Variants in MDGA2 observed in about 807,000 individuals in gnomAD.
The protein encoded by MDGA2 is MAM domain-containing glycosylphosphatidylinositol anchor protein 2.
In MDGA2, 40 loss-of-function variants were observed where a neutral mutation model predicts 117.8. That is an observed-to-expected ratio of 0.34 (90% CI 0.26 to 0.44). MDGA2 has a LOEUF of 0.44. Among genes scored for constraint, MDGA2 ranks in the 20% least tolerant of loss-of-function variants. The probability of loss-of-function intolerance (pLI) is 1.00; values close to 1 mark genes in which losing one functional copy is unlikely to be tolerated. For synonymous variants in MDGA2, 452 were observed against 439.0 expected, an observed-to-expected ratio of 1.03 and a Z score of -0.37; for missense variants, 1,123 against 1,250.6, an observed-to-expected ratio of 0.90 and a Z score of 1.54.
intron 10 of MDGA2, among the ~76,000 whole-genome samples, chr14:46,918,319 G>C (rs1335246077): frequency 2.0e-5 from 3 of 152,074 alleles, no homozygotes; most frequent in African/African-American, 7.2e-5. Flanking sequence ...AATGTAGTAA[G>C]GAGTTTTAAA....
At chr14:47,552,207 GCC>G in intron 1 of MDGA2, among the ~76,000 whole-genome samples, 1 of 152,212 alleles carries the variant, frequency 6.6e-6, no homozygotes, top group East Asian at 1.9e-4. Context: ...CACTCACTCT[GCC>G]AGAGATCTTA....
chr14:47,568,665 T>C (rs1313974722), intron 1 of MDGA2, among the ~76,000 whole-genome samples: 3 of 152,196 alleles, frequency 2.0e-5, no homozygotes, highest in Non-Finnish European at 2.9e-5. Flanking sequence ...TGTTAAGAAA[T>C]ATTTGTAGAT....
intron 8 of MDGA2, among the ~76,000 whole-genome samples, chr14:46,958,667 G>T (rs1179751221): frequency 6.6e-6 from 1 of 152,236 alleles, no homozygotes; most frequent in Non-Finnish European, 1.5e-5. Flanking sequence ...AGGAGAGGTA[G>T]ATTGGTGTGT....
intron 1 of MDGA2, among the ~76,000 whole-genome samples, chr14:47,635,554 T>C (rs1285164474): frequency 6.6e-6 from 1 of 152,172 alleles, no homozygotes; most frequent in Non-Finnish European, 1.5e-5. Context: ...CTGAATGCCA[T>C]GAGTTGTCAT....
intron 12 of MDGA2, among the ~76,000 whole-genome samples, chr14:46,874,453 T>C (rs368973270): frequency 6.6e-6 from 1 of 151,904 alleles, no homozygotes; most frequent in East Asian, 1.9e-4. Context: ...TTCTCTAAAA[T>C]ATCCAGATAA....
intron 9 of MDGA2, among the ~76,000 whole-genome samples, chr14:46,927,333 GA>G (rs1884370385): frequency 6.6e-6 from 1 of 152,078 alleles, no homozygotes. Context: ...TTACCAATTT[GA>G]TGGGTTCTAC....
At chr14:46,989,332 A>AGG (rs60744731) in intron 8 of MDGA2, among the ~76,000 whole-genome samples, 6 of 151,390 alleles carry the variant, frequency 4.0e-5, no homozygotes, top group African/African-American at 1.5e-4. Context: ...GAAAAAAAAA[A>AGG]GGGGGGTATC....
intron 5 of MDGA2, among the ~76,000 whole-genome samples, chr14:47,114,940 G>C (rs1348053592): frequency 7.2e-6 from 1 of 138,626 alleles, no homozygotes; most frequent in Non-Finnish European, 1.5e-5. Context: ...GTAATCCAAA[G>C]AGCTTCTGCA....
chr14:47,377,169 G>A (rs961788385), intron 1 of MDGA2, among the ~76,000 whole-genome samples: 3 of 152,066 alleles, frequency 2.0e-5, no homozygotes, highest in African/African-American at 7.2e-5. Flanking sequence ...GAAATTTAGG[G>A]TATAATCCAT....
At chr14:47,415,809 G>A (rs1008477318) in intron 1 of MDGA2, among the ~76,000 whole-genome samples, 3 of 152,096 alleles carry the variant, frequency 2.0e-5, no homozygotes, top group Non-Finnish European at 4.4e-5. Context: ...GCAGACTGCC[G>A]TCTTCCTGCT....
intron 1 of MDGA2, among the ~76,000 whole-genome samples, chr14:47,410,155 G>C (rs1263465824): frequency 6.8e-6 from 1 of 146,340 alleles, no homozygotes; most frequent in African/African-American, 2.5e-5. Context: ...CTGGTTAGAA[G>C]ACATGCCTAT....
chr14:47,032,774 GTTA>G (rs2138636429), intron 8 of MDGA2, among the ~76,000 whole-genome samples: 1 of 152,276 alleles, frequency 6.6e-6, no homozygotes, highest in African/African-American at 2.4e-5. Context: ...GTTGTTACCA[GTTA>G]TTTGTACCTG....
At chr14:46,924,191 G>GA (rs533404776) in intron 9 of MDGA2, among the ~76,000 whole-genome samples, 6 of 151,848 alleles carry the variant, frequency 4.0e-5, no homozygotes, top group Admixed American at 3.9e-4. Flanking sequence ...TATCTATATA[G>GA]AAAAAATTTG....
chr14:47,181,080 ATATT>A (rs978883144), intron 3 of MDGA2, among the ~76,000 whole-genome samples: 1 of 152,158 alleles, frequency 6.6e-6, no homozygotes, highest in African/African-American at 2.4e-5. Flanking sequence ...TTTATTTAAA[ATATT>A]TATTTTACTT....
intron 8 of MDGA2, among the ~76,000 whole-genome samples, chr14:46,968,835 T>TAAA (rs759219093): frequency 3.8e-5 from 4 of 105,842 alleles, no homozygotes; most frequent in African/African-American, 7.0e-5. Flanking sequence ...AGACTCTGTC[T>TAAA]AAAAAAAAAA....
chr14:47,573,037 T>C (rs1322133180), intron 1 of MDGA2, among the ~76,000 whole-genome samples: 1 of 152,194 alleles, frequency 6.6e-6, no homozygotes, highest in Non-Finnish European at 1.5e-5. Context: ...CACAGTCTTC[T>C]GTTTTTTTTA....
intron 1 of MDGA2, among the ~76,000 whole-genome samples, chr14:47,627,896 A>G (rs1361991129): frequency 6.6e-6 from 1 of 152,200 alleles, no homozygotes; most frequent in Non-Finnish European, 1.5e-5. Context: ...CAGAAGGAAG[A>G]AACTCCGCAC....
chr14:47,513,269 C>T (rs569042597), intron 1 of MDGA2, among the ~76,000 whole-genome samples: 1 of 152,172 alleles, frequency 6.6e-6, no homozygotes, highest in African/African-American at 2.4e-5. Flanking sequence ...GACTTTCTTT[C>T]ATTTTTTTAT....
At chr14:47,315,175 T>C (rs1889767821) in intron 1 of MDGA2, among the ~76,000 whole-genome samples, 1 of 152,166 alleles carries the variant, frequency 6.6e-6, no homozygotes, top group East Asian at 1.9e-4. Flanking sequence ...TATAATACTT[T>C]TTCTACTTCT....
Sources: allele counts gnomAD v4.1 joint callset (sites outside exome capture counted in the v4.1 genomes callset), GRCh38; gene constraint gnomAD v4.1.1; transcripts MANE v1.5; gene names NCBI Gene and HGNC (gene_info 2026-07-23, HGNC 2026-07-21).